Variants in GMEB1 observed in about 807,000 individuals in gnomAD.
GMEB1 encodes glucocorticoid modulatory element binding protein 1.
Under a neutral mutation model 52.4 loss-of-function variants are expected in GMEB1, and 6 were observed. The observed-to-expected ratio is 0.11, with a 90% CI of 0.06 to 0.23. The LOEUF is 0.23. GMEB1 is among the 10% of genes least tolerant of loss of function. GMEB1 has a pLI of 1.00. For missense variants in GMEB1, 486 were observed against 685.6 expected (o/e 0.71, Z 3.25); for synonymous variants, 255 against 244.9 (o/e 1.04, Z -0.38).
chr1:28,700,513 C>CA (rs35332797), intron 6 of GMEB1, among the ~76,000 whole-genome samples: 1,586 of 82,268 alleles, frequency 0.019, 49 homozygotes, highest in African/African-American at 0.065. Context: ...GACTCCATCT[C>CA]AAAAAAAAAA....
intron 6 of GMEB1, among the ~76,000 whole-genome samples, chr1:28,698,600 A>C (rs1362067436): frequency 6.6e-6 from 1 of 150,378 alleles, no homozygotes; most frequent in Non-Finnish European, 1.5e-5. Context: ...GTGTGAACCC[A>C]GGAGGCGGAG....
intron 6 of GMEB1, among the ~76,000 whole-genome samples, chr1:28,699,099 C>G (rs1259028495): frequency 6.6e-6 from 1 of 152,156 alleles, no homozygotes; most frequent in Non-Finnish European, 1.5e-5. Flanking sequence ...ATGTGATTGG[C>G]TGGACAGGAC....
intron 8 of GMEB1, among the ~76,000 whole-genome samples, chr1:28,706,989 T>C (rs1370420552): frequency 7.5e-6 from 1 of 134,096 alleles, no homozygotes; most frequent in Non-Finnish European, 1.6e-5. Context: ...TTTTTTTTTT[T>C]TTTTTTTTTT....
In GMEB1 at chr1:28,714,571, C is replaced by T; in HGVS notation, c.1490C>T (p.Ala497Val). ...GCCATGGAGTCCGGCCTAACCTCGG[C>T]AATTCAGGCTGTTGAAAGCACCTCA... ...LVAMESGLTS[A>V]IQAVESTSED... Residue 497 changes from alanine (A) to valine (V), a missense_variant, in exon 10 of 10, where the codon GCA (alanine) becomes GTA (valine). Ala to Val is a moderately conservative substitution (Grantham distance 64, BLOSUM62 0). Coordinates refer to ENST00000373816, the MANE Select transcript of GMEB1 (RefSeq NM_001319674.2). The T allele has an allele frequency of 6.2e-7, 1 of 1,614,172 alleles. No individual in the cohort carries two copies. Among genetic ancestry groups the T allele is most frequent in the Non-Finnish European group, 8.5e-7 (1 of 1,180,044 alleles).
At chr1:28,696,011 A>G (rs1230395333) in intron 5 of GMEB1, among the ~76,000 whole-genome samples, 1 of 149,690 alleles carries the variant, frequency 6.7e-6, no homozygotes, top group Non-Finnish European at 1.5e-5. Context: ...TAGTAATCCA[A>G]TGAAATTGGG....
intron 7 of GMEB1, 40 bp from the exon 8 acceptor site, chr1:28,704,152 T>C (rs181123296): frequency 2.6e-6 from 4 of 1,553,874 alleles, no homozygotes; most frequent in East Asian, 4.6e-5. Context: ...ATCTAGGTAG[T>C]GTCTCTTTTT....
chr1:28,678,570 A>C (rs1345981670), intron 1 of GMEB1, among the ~76,000 whole-genome samples: 1 of 151,924 alleles, frequency 6.6e-6, no homozygotes, highest in South Asian at 2.1e-4. Context: ...CGGCCTCCCA[A>C]AGTGCTGGGA....
Position 28,717,185 on chromosome 1 carries a change from G to GTTTTTTTTTTTTTTTTTTT in GMEB1, c.*2428_*2429insTTTTTTTTTTTTTTTTTTT, listed in dbSNP as rs71027293. ...AACCCTGTAACATGGTAAGGTTGCT[G>GTTTTTTTTTTTTTTTTTTT]TTTTTTTTTTTTTTTTCTTTTTGAG... On this transcript the variant is annotated 3_prime_UTR_variant, in exon 10 of 10. Coordinates refer to ENST00000373816, the MANE Select transcript of GMEB1 (RefSeq NM_001319674.2). 2.2e-5 allele frequency: 3 copies of GTTTTTTTTTTTTTTTTTTT among 139,212 alleles called. No individual in the cohort carries two copies. Among genetic ancestry groups the GTTTTTTTTTTTTTTTTTTT allele is most frequent in the Non-Finnish European group, 3.1e-5 (2 of 64,662 alleles). 8.6% of individuals were successfully genotyped at this position (139,212 alleles called of 1,614,324 possible).
chr1:28,698,263 G>A (rs1171773497), intron 6 of GMEB1, among the ~76,000 whole-genome samples: 2 of 152,048 alleles, frequency 1.3e-5, no homozygotes, highest in African/African-American at 4.8e-5. Context: ...CAGCTACTTG[G>A]GAGGCTGAGG....
At position 28,715,090 on chromosome 1, in the gene GMEB1, G is replaced by C. The variant is rs1671230984; in HGVS notation, c.*317G>C. 30 of 296,004 alleles carry C rather than the reference G, an allele frequency of 1.0e-4. 1 individual carries two copies. The South Asian group carries it at 1.3e-3, about 13-fold the overall frequency. 18.3% of individuals were successfully genotyped at this position (296,004 alleles called of 1,614,324 possible). A position where few individuals can be genotyped will look rare whatever the true frequency, so the allele number is the denominator to read the frequency against. The stretch of plus-strand genomic sequence containing the variant: ...GAAAGCCATTTCCAGGCTCGTCTGT[G>C]TGTGTAGGCATGTGGTTTTATTCTT... On this transcript the variant is annotated 3_prime_UTR_variant, in exon 10 of 10. Coordinates refer to ENST00000373816, the MANE Select transcript of GMEB1 (RefSeq NM_001319674.2).
At chr1:28,696,511 G>A (rs1670216051) in intron 5 of GMEB1, among the ~76,000 whole-genome samples, 1 of 152,072 alleles carries the variant, frequency 6.6e-6, no homozygotes, top group African/African-American at 2.4e-5. Flanking sequence ...TTATAACATA[G>A]AATTTACTAT....
At chr1:28,702,738 A>G (rs1670574926) in intron 7 of GMEB1, among the ~76,000 whole-genome samples, 169 bp downstream of exon 7, 1 of 152,150 alleles carries the variant, frequency 6.6e-6, no homozygotes, top group South Asian at 2.1e-4. Flanking sequence ...AGCCCTGCAT[A>G]GTCACATTTT....
intron 1 of GMEB1, among the ~76,000 whole-genome samples, chr1:28,678,161 C>T (rs1402717767): frequency 6.6e-6 from 1 of 150,890 alleles, no homozygotes; most frequent in African/African-American, 2.4e-5. Context: ...TGCACTCCAG[C>T]CTGGGGTATA....
intron 6 of GMEB1, 75 bp downstream of exon 6, chr1:28,697,159 G>GTAAATATA: frequency 5.3e-6 from 1 of 190,302 alleles, no homozygotes; most frequent in East Asian, 1.6e-4. Context: ...TCCCTTGTGT[G>GTAAATATA]TACATATATA....
intron 8 of GMEB1, among the ~76,000 whole-genome samples, chr1:28,707,041 G>C (rs1420487569): frequency 5.3e-5 from 7 of 131,958 alleles, no homozygotes; most frequent in African/African-American, 2.1e-4. Flanking sequence ...GGAGTGCAGT[G>C]ATGCGATCTT....
intron 2 of GMEB1, among the ~76,000 whole-genome samples, chr1:28,685,326 C>T (rs1669589619): frequency 1.3e-5 from 2 of 151,834 alleles, no homozygotes; most frequent in Admixed American, 6.6e-5. Context: ...TCTCCTGCCT[C>T]AGACTCCCAA....
intron 8 of GMEB1, among the ~76,000 whole-genome samples, chr1:28,708,521 G>A (rs1412257140): frequency 1.3e-5 from 2 of 151,842 alleles, no homozygotes; most frequent in Non-Finnish European, 2.9e-5. Flanking sequence ...GAGTGCAGTG[G>A]TGCAATCTCG....
At chr1:28,682,521 G>GT (rs1669436946) in intron 1 of GMEB1, among the ~76,000 whole-genome samples, 3 of 151,506 alleles carry the variant, frequency 2.0e-5, no homozygotes, top group Admixed American at 6.6e-5. Flanking sequence ...CTTGGGGAGG[G>GT]TGAGGCAGGA....
At chr1:28,688,186 G>A (rs1669779764) in intron 2 of GMEB1, among the ~76,000 whole-genome samples, 1 of 152,162 alleles carries the variant, frequency 6.6e-6, no homozygotes. Flanking sequence ...GGGAGGCTGA[G>A]GCAGGAGAAT....
Sources: allele counts gnomAD v4.1 joint callset (sites outside exome capture counted in the v4.1 genomes callset), GRCh38; gene constraint gnomAD v4.1.1; transcripts MANE v1.5; gene names NCBI Gene and HGNC (gene_info 2026-07-23, HGNC 2026-07-21).